Variants in NOPCHAP1 observed in about 807,000 individuals in gnomAD.
NOPCHAP1 encodes the protein NOP protein chaperone 1, also known as DNA damage-sensitive RNA 1.
A neutral mutation model predicts 14.0 loss-of-function variants in NOPCHAP1; 13 were observed. That is an observed-to-expected ratio of 0.93 (90% CI 0.60 to 1.47). The LOEUF (loss-of-function observed/expected upper bound fraction) is 1.47. Among genes scored for constraint, NOPCHAP1 ranks in the 40% most tolerant of loss-of-function variants. NOPCHAP1 has a pLI of 0.00. For missense variants in NOPCHAP1, 230 were observed against 226.9 expected, an observed-to-expected ratio of 1.01 and a Z score of -0.09; for synonymous variants, 78 against 78.4, an observed-to-expected ratio of 1.00 and a Z score of 0.03.
intron 2 of NOPCHAP1, among the ~76,000 whole-genome samples, chr12:104,988,977 G>C (rs1873314552): frequency 6.6e-6 from 1 of 151,948 alleles, no homozygotes; most frequent in East Asian, 1.9e-4. Context: ...TACATACCTA[G>C]GAGTGGAATT....
At position 105,003,688 on chromosome 12, in the gene NOPCHAP1, A is replaced by G. The variant is rs1408129414; in HGVS notation, c.*8992A>G. 6.6e-6 allele frequency: 1 copy of G among 152,254 alleles called. No homozygotes were observed. Among genetic ancestry groups the G allele is most frequent in the Non-Finnish European group, 1.5e-5 (1 of 68,048 alleles). The allele number at this position is 152,254 out of a possible 1,614,324, so 9.4% of individuals were successfully genotyped here. Reference sequence around the variant, plus strand: ...AACCTCTAGACAAATTAAATTTAACAGTTTGTTTGAGCAAAGAACAATTTT... The same window carrying G: ...AACCTCTAGACAAATTAAATTTAACGGTTTGTTTGAGCAAAGAACAATTTT... On this transcript the variant is annotated 3_prime_UTR_variant, in exon 4 of 4. Coordinates refer to ENST00000552951, the MANE Select transcript of NOPCHAP1 (RefSeq NM_152318.3).
chr12:105,005,312 G>A lies in NOPCHAP1; in HGVS notation c.*10616G>A, dbSNP rs563369265. On this transcript the variant is annotated 3_prime_UTR_variant, in exon 4 of 4. Transcript: ENST00000552951. The stretch of plus-strand genomic sequence containing the variant: ...ACAGAGTGGGAGCAGGCTCAAGCAA[G>A]TGGCTCAAGAGTGCTGGTTAGAGAA... 1 of 152,360 alleles carries A rather than the reference G, an allele frequency of 6.6e-6. No individual in the cohort carries two copies. The highest frequency in any genetic ancestry group is 2.4e-5 in the African/African-American group (1 of 41,588). 9.4% of individuals were successfully genotyped at this position (152,360 alleles called of 1,614,324 possible).
rs931408416 is a variant in NOPCHAP1 at position 105,001,796 on chromosome 12, A to G, written c.*7100A>G. 6.6e-6 allele frequency: 1 copy of G among 152,244 alleles called. No homozygotes were observed. The highest frequency in any genetic ancestry group is 1.5e-5 in the Non-Finnish European group (1 of 68,038). 9.4% of individuals were successfully genotyped at this position (152,244 alleles called of 1,614,324 possible). A position where few individuals can be genotyped will look rare whatever the true frequency, so the allele number is the denominator to read the frequency against. On this transcript the variant is annotated 3_prime_UTR_variant, in exon 4 of 4. Coordinates refer to ENST00000552951, the MANE Select transcript of NOPCHAP1 (RefSeq NM_152318.3). ...GAGGGATGTATTAGCTTATTAAGGT[A>G]GAGTTTATAGTAGATGAAAGTGGCT... is the stretch of plus-strand genomic sequence containing the variant.
At chr12:104,992,266 T>A (rs188004007) in intron 3 of NOPCHAP1, among the ~76,000 whole-genome samples, 1 of 152,236 alleles carries the variant, frequency 6.6e-6, no homozygotes, top group Non-Finnish European at 1.5e-5. Flanking sequence ...CCGTTTATAA[T>A]ATCTGTGTCT....
intron 3 of NOPCHAP1, among the ~76,000 whole-genome samples, chr12:104,992,088 T>C (rs1475191297): frequency 6.6e-6 from 1 of 152,220 alleles, no homozygotes; most frequent in Non-Finnish European, 1.5e-5. Context: ...ATTTACTCGA[T>C]GTCCTAACTG....
Position 105,013,349 on chromosome 12 carries a change from C to T in NOPCHAP1, c.*18653C>T, listed in dbSNP as rs1873873483. The stretch of plus-strand genomic sequence containing the variant: ...CTTTTCCCACCAAGCTCAAGTGTCC[C>T]ACGTTGACTTCAGACTGCTGTGCTG... On this transcript the variant is annotated 3_prime_UTR_variant, in exon 4 of 4. Transcript: ENST00000552951. 6.6e-6 allele frequency: 1 copy of T among 152,246 alleles called. No individual in the cohort carries two copies. The highest frequency in any genetic ancestry group is 2.1e-4 in the South Asian group (1 of 4,830). 9.4% of individuals were successfully genotyped at this position (152,246 alleles called of 1,614,324 possible).
intron 3 of NOPCHAP1, among the ~76,000 whole-genome samples, chr12:104,992,889 A>G (rs1873413246): frequency 6.6e-6 from 1 of 152,184 alleles, no homozygotes. Context: ...TTCTTCCACA[A>G]AACTGGTCCC....
In NOPCHAP1 at chr12:104,986,374, A is replaced by C. The variant is rs1129593; in HGVS notation, c.22A>C (p.Lys8Gln). The C allele has an allele frequency of 0.25, 410,101 of 1,608,794 alleles. 60,058 individuals carry two copies. The highest frequency in any genetic ancestry group is 0.61 in the African/African-American group (45,343 of 74,848). Residue 8 changes from lysine (K) to glutamine (Q), a missense_variant, in exon 1 of 4, where the codon AAG becomes CAG. Lys to Gln is a moderately conservative substitution (Grantham distance 53). Coordinates refer to ENST00000552951, the MANE Select transcript of NOPCHAP1 (RefSeq NM_152318.3). MEVHGKP[K>Q]ASPSCSSPTR... is the part of the protein sequence containing the mutation. ...AAGCATGGAGGTCCATGGCAAGCCC[A>C]AGGCTAGCCCGAGTTGTTCGTCGCC...
rs977063627 is a variant in NOPCHAP1 at position 105,015,731 on chromosome 12, A to C, written c.*21035A>C. 1 of 152,142 alleles carries C rather than the reference A, an allele frequency of 6.6e-6. No homozygotes were observed. Among genetic ancestry groups the C allele is most frequent in the Non-Finnish European group, 1.5e-5 (1 of 68,040 alleles). The allele number at this position is 152,142 out of a possible 1,614,324, so 9.4% of individuals were successfully genotyped here. ...GTGTGTATAGGGTTCTGTTCTATCAAATGTTTCAGGCATCCTCTGGGGGGT... is the reference window on the plus strand; with the variant it reads ...GTGTGTATAGGGTTCTGTTCTATCACATGTTTCAGGCATCCTCTGGGGGGT... On this transcript the variant is annotated 3_prime_UTR_variant, in exon 4 of 4. Coordinates refer to ENST00000552951, the MANE Select transcript of NOPCHAP1 (RefSeq NM_152318.3).
chr12:104,991,730 C>T lies in NOPCHAP1; in HGVS notation c.221C>T (p.Thr74Ile), dbSNP rs1241296847. 6.2e-7 allele frequency: 1 copy of T among 1,612,904 alleles called. No individual in the cohort carries two copies. The highest frequency in any genetic ancestry group is 8.5e-7 in the Non-Finnish European group (1 of 1,179,722). ...TCCACAGTATTGGACCAGGTACAGACATTTCTCCCACAGATGGCACGGGCA... is the reference window on the plus strand; with the variant it reads ...TCCACAGTATTGGACCAGGTACAGATATTTCTCCCACAGATGGCACGGGCA... ...ERSPLLDQVQ[T>I]FLPQMARANE... Residue 74 changes from threonine (T) to isoleucine (I), a missense_variant, in exon 3 of 4, where the codon ACA becomes ATA. Thr to Ile is a moderately conservative substitution (Grantham distance 89). Coordinates refer to ENST00000552951, the MANE Select transcript of NOPCHAP1 (RefSeq NM_152318.3).
In NOPCHAP1 at chr12:104,986,329, T is replaced by C; in HGVS notation, c.-24T>C. The C allele has an allele frequency of 1.3e-6, 2 of 1,582,392 alleles. No homozygotes were observed. The highest frequency in any genetic ancestry group is 1.7e-6 in the Non-Finnish European group (2 of 1,161,214). ...CGAGCCTTTTTCCTGCATCCGGGCC[T>C]GAGAGTGCAGGCTTGAGGGAAGCAT... On this transcript the variant is annotated 5_prime_UTR_variant, in exon 1 of 4. Coordinates refer to ENST00000552951, the MANE Select transcript of NOPCHAP1 (RefSeq NM_152318.3).
rs924532731 is a variant in NOPCHAP1 at position 105,015,654 on chromosome 12, T to C, written c.*20958T>C. ...GTCCTGCTTATGCACGCTGTATATG[T>C]TACCCACCGTTTAGTCACTTAGCAG... On this transcript the variant is annotated 3_prime_UTR_variant, in exon 4 of 4. Coordinates refer to ENST00000552951, the MANE Select transcript of NOPCHAP1 (RefSeq NM_152318.3). 1.3e-5 allele frequency: 2 copies of C among 152,272 alleles called. No individual in the cohort carries two copies. Among genetic ancestry groups the C allele is most frequent in the African/African-American group, 2.4e-5 (1 of 41,476 alleles). The allele number at this position is 152,272 out of a possible 1,614,324, so 9.4% of individuals were successfully genotyped here.
At position 104,991,904 on chromosome 12, in the gene NOPCHAP1, A is replaced by G. The variant is rs1053509363; in HGVS notation, c.339+56A>G. ...TTACTGGTCTGCCTGTCACCTAAGAAGAAGAGAACTTTTCCATTTTATTTT... is the reference window on the plus strand; with the variant it reads ...TTACTGGTCTGCCTGTCACCTAAGAGGAAGAGAACTTTTCCATTTTATTTT... On this transcript the variant is annotated intron_variant, in intron 3 of 3. Coordinates refer to ENST00000552951, the MANE Select transcript of NOPCHAP1 (RefSeq NM_152318.3). The G allele has an allele frequency of 1.2e-5, 18 of 1,526,796 alleles. No homozygotes were observed. The African/African-American group carries it at 2.0e-4, about 17-fold the overall frequency. 94.6% of individuals were successfully genotyped at this position (1,526,796 alleles called of 1,614,324 possible).
chr12:105,017,609 A>T lies in NOPCHAP1; in HGVS notation c.*22913A>T, dbSNP rs762583968. ...TTTCACTCAGTTGGAATATATAATA[A>T]ATGTTCATTAAACTGACTATTGTTT... On this transcript the variant is annotated 3_prime_UTR_variant, in exon 4 of 4. Transcript: ENST00000552951. The T allele has an allele frequency of 6.6e-6, 1 of 152,152 alleles. No homozygotes were observed. Among genetic ancestry groups the T allele is most frequent in the Non-Finnish European group, 1.5e-5 (1 of 68,022 alleles). The allele number at this position is 152,152 out of a possible 1,614,324, so 9.4% of individuals were successfully genotyped here.
chr12:104,986,333 A>C lies in NOPCHAP1; in HGVS notation c.-20A>C. On this transcript the variant is annotated 5_prime_UTR_variant, in exon 1 of 4. Coordinates refer to ENST00000552951, the MANE Select transcript of NOPCHAP1 (RefSeq NM_152318.3). ...CCTTTTTCCTGCATCCGGGCCTGAG[A>C]GTGCAGGCTTGAGGGAAGCATGGAG... The C allele has an allele frequency of 1.9e-6, 3 of 1,588,686 alleles. No homozygotes were observed. The highest frequency in any genetic ancestry group is 2.3e-5 in the East Asian group (1 of 43,834).
rs1369518502 is a variant in NOPCHAP1, at chr12:105,006,257, T to C, written c.*11561T>C. On this transcript the variant is annotated 3_prime_UTR_variant, in exon 4 of 4. Coordinates refer to ENST00000552951, the MANE Select transcript of NOPCHAP1 (RefSeq NM_152318.3). Reference sequence around the variant, plus strand: ...AACAATGATATTGTCTTCAATGGTGTAATCATTCTAGAATTTCATGATGTT... The same window carrying C: ...AACAATGATATTGTCTTCAATGGTGCAATCATTCTAGAATTTCATGATGTT... 1 of 152,216 alleles carries C rather than the reference T, an allele frequency of 6.6e-6. No homozygotes were observed. Among genetic ancestry groups the C allele is most frequent in the Non-Finnish European group, 1.5e-5 (1 of 68,044 alleles). The allele number at this position is 152,216 out of a possible 1,614,324, so 9.4% of individuals were successfully genotyped here.
At position 105,009,734 on chromosome 12, in the gene NOPCHAP1, G is replaced by A. The variant is rs1238242227; in HGVS notation, c.*15038G>A. 6.6e-6 allele frequency: 1 copy of A among 152,108 alleles called. No individual in the cohort carries two copies. The highest frequency in any genetic ancestry group is 1.5e-5 in the Non-Finnish European group (1 of 68,012). 9.4% of individuals were successfully genotyped at this position (152,108 alleles called of 1,614,324 possible). A position where few individuals can be genotyped will look rare whatever the true frequency, so the allele number is the denominator to read the frequency against. ...CTATTGAAATAATCATGTGCTTTTT[G>A]TCATTGGTTCTGTTTATGTGATGGA... On this transcript the variant is annotated 3_prime_UTR_variant, in exon 4 of 4. Transcript: ENST00000552951.
At position 105,013,752 on chromosome 12, in the gene NOPCHAP1, T is replaced by G. The variant is rs2136034591; in HGVS notation, c.*19056T>G. 1 of 152,608 alleles carries G rather than the reference T, an allele frequency of 6.6e-6. No individual in the cohort carries two copies. Among genetic ancestry groups the G allele is most frequent in the South Asian group, 2.1e-4 (1 of 4,832 alleles). 9.5% of individuals were successfully genotyped at this position (152,608 alleles called of 1,614,324 possible). On this transcript the variant is annotated 3_prime_UTR_variant, in exon 4 of 4. Transcript: ENST00000552951. ...GGGGAGGGAGTTCCCTGGCTTCCCT[T>G]GGCTTCCCTGGGCTAGGGGAGGGAG...
In NOPCHAP1 at chr12:105,002,926, C is replaced by G. The variant is rs1449913715; in HGVS notation, c.*8230C>G. ...TTTGTAAGGCATTTGTCTAACTTGC[C>G]TTTTCTCATTATCTTTAGAATGAAA... On this transcript the variant is annotated 3_prime_UTR_variant, in exon 4 of 4. Coordinates refer to ENST00000552951, the MANE Select transcript of NOPCHAP1 (RefSeq NM_152318.3). The G allele has an allele frequency of 5.9e-5, 9 of 152,096 alleles. No homozygotes were observed. In the East Asian group the frequency reaches 1.7e-3, roughly 29 times the overall value. The allele number at this position is 152,096 out of a possible 1,614,324, so 9.4% of individuals were successfully genotyped here.
Sources: gnomAD v4.1 joint callset for allele counts (sites outside exome capture counted in the v4.1 genomes callset) on GRCh38, gnomAD v4.1.1 for gene constraint, MANE v1.5 for transcripts, NCBI Gene and HGNC (gene_info 2026-07-23, HGNC 2026-07-21) for gene names.